The following ZSWIM5 variants were observed in gnomAD, a reference collection of about 807,000 sequenced individuals.
The protein encoded by ZSWIM5 is zinc finger SWIM domain-containing protein 5.
In ZSWIM5, 55 loss-of-function variants were observed where a neutral mutation model predicts 119.6. The ratio of observed to expected loss-of-function variants is 0.46; its 90% CI spans 0.37 to 0.58. The LOEUF (loss-of-function observed/expected upper bound fraction) is 0.58, where lower values mean the gene tolerates loss of function less well. Ranked by LOEUF, ZSWIM5 falls within the 20% of genes least tolerant of loss-of-function variation. The probability of loss-of-function intolerance (pLI) is 0.00; values close to 1 mark genes in which losing one functional copy is unlikely to be tolerated. For missense variants in ZSWIM5, 1,193 were observed against 1,512.8 expected, an observed-to-expected ratio of 0.79 and a Z score of 3.51; for synonymous variants, 537 against 606.9, an observed-to-expected ratio of 0.88 and a Z score of 1.69.
At chr1:45,090,235 T>G (rs1026324792) in intron 1 of ZSWIM5, among the ~76,000 whole-genome samples, 22 of 152,210 alleles carry the variant, frequency 1.4e-4, no homozygotes, top group Non-Finnish European at 3.1e-4. Flanking sequence ...TACACATTAC[T>G]GAAAACATTC....
At chr1:45,077,545 C>T (rs1482755843) in intron 2 of ZSWIM5, among the ~76,000 whole-genome samples, 1 of 152,318 alleles carries the variant, frequency 6.6e-6, no homozygotes, top group African/African-American at 2.4e-5. Flanking sequence ...GACCACAGGA[C>T]TGAGGCGAAA....
rs1267469275 is a variant in ZSWIM5, at chr1:45,129,415, C to T, written c.596-41178G>A. On this transcript the variant is annotated intron_variant, in intron 1 of 13. Coordinates refer to ENST00000359600, the MANE Select transcript of ZSWIM5 (RefSeq NM_020883.2). ...CTCGTGATCCGCCCGCCTCAGCCTC[C>T]CAAAGTGCTGGGATTACAGGCGTGA... Among the ~76,000 whole-genome samples, 8 of 152,138 alleles carry T rather than the reference C, an allele frequency of 5.3e-5. No homozygotes were observed. In the East Asian group the frequency reaches 1.5e-3, roughly 29 times the overall value.
At chr1:45,091,946 AC>A (rs1054013390) in intron 1 of ZSWIM5, among the ~76,000 whole-genome samples, 7 of 152,174 alleles carry the variant, frequency 4.6e-5, no homozygotes, top group Non-Finnish European at 8.8e-5. Context: ...AAAAAAAAAA[AC>A]AAACCACGCT....
chr1:45,110,409 T>C (rs1264230794), intron 1 of ZSWIM5, among the ~76,000 whole-genome samples: 1 of 152,102 alleles, frequency 6.6e-6, no homozygotes, highest in Non-Finnish European at 1.5e-5. Flanking sequence ...GATTCAAGAG[T>C]TCATCTATAG....
chr1:45,105,747 C>T (rs1351095258), intron 1 of ZSWIM5, among the ~76,000 whole-genome samples: 4 of 143,064 alleles, frequency 2.8e-5, no homozygotes, highest in African/African-American at 5.3e-5. Flanking sequence ...TCTGCCCCGC[C>T]GCCACCCCAT....
intron 1 of ZSWIM5, among the ~76,000 whole-genome samples, chr1:45,202,858 T>C (rs1010282562): frequency 2.6e-5 from 4 of 152,054 alleles, no homozygotes; most frequent in Non-Finnish European, 4.4e-5. Flanking sequence ...TTAAAACCGT[T>C]AGTAAATTAT....
intron 1 of ZSWIM5, among the ~76,000 whole-genome samples, chr1:45,115,177 T>G (rs1185762956): frequency 1.3e-5 from 2 of 152,010 alleles, no homozygotes; most frequent in Non-Finnish European, 2.9e-5. Flanking sequence ...CCAGACGGGG[T>G]GGCCGCCGGG....
intron 1 of ZSWIM5, among the ~76,000 whole-genome samples, chr1:45,114,399 T>C (rs1183573966): frequency 6.6e-6 from 1 of 152,176 alleles, no homozygotes; most frequent in Non-Finnish European, 1.5e-5. Flanking sequence ...GGACATTTTA[T>C]AATGATAAAA....
At chr1:45,124,865 A>G (rs1442902470) in intron 1 of ZSWIM5, among the ~76,000 whole-genome samples, 1 of 152,008 alleles carries the variant, frequency 6.6e-6, no homozygotes, top group Non-Finnish European at 1.5e-5. Flanking sequence ...GGGACATTAC[A>G]TAATGATAGA....
At position 45,184,361 on chromosome 1, in the gene ZSWIM5, C is replaced by A. The variant is rs575622581; in HGVS notation, c.595+21395G>T. Among the ~76,000 whole-genome samples the A allele has an allele frequency of 3.1e-3, 469 of 152,296 alleles. 2 individuals carry two copies. The highest frequency in any genetic ancestry group is 0.01 in the African/African-American group (423 of 41,554). ...CACAAGACAGGGATGCCCTCTCTCA[C>A]CACTCCTATTCAACACAGTGCTGGA... On this transcript the variant is annotated intron_variant, in intron 1 of 13. Transcript: ENST00000359600.
At chr1:45,196,894 G>A (rs1285597719) in intron 1 of ZSWIM5, among the ~76,000 whole-genome samples, 3 of 152,126 alleles carry the variant, frequency 2.0e-5, no homozygotes, top group Non-Finnish European at 4.4e-5. Context: ...ATCCTGAGTG[G>A]TTAACTGGGC....
chr1:45,122,535 G>A (rs1168718230), intron 1 of ZSWIM5, among the ~76,000 whole-genome samples: 1 of 152,028 alleles, frequency 6.6e-6, no homozygotes, highest in Non-Finnish European at 1.5e-5. Context: ...ACTCTGAAAG[G>A]TGGAGGGCAG....
At chr1:45,077,750 CG>C (rs577959505) in intron 2 of ZSWIM5, among the ~76,000 whole-genome samples, 6 of 152,052 alleles carry the variant, frequency 3.9e-5, no homozygotes, top group African/African-American at 1.5e-4. Context: ...AGGTACGCCC[CG>C]GGGGGGCCAG....
intron 1 of ZSWIM5, among the ~76,000 whole-genome samples, chr1:45,094,809 C>T (rs1044793016): frequency 2.0e-5 from 3 of 149,910 alleles, no homozygotes; most frequent in Non-Finnish European, 3.0e-5. Context: ...CCTGGGAGAT[C>T]GAGGTTACAG....
chr1:45,058,522 C>T, intron 4 of ZSWIM5, 87 bp downstream of exon 4: 2 of 1,536,058 alleles, frequency 1.3e-6, no homozygotes, highest in Middle Eastern at 2.0e-4. Flanking sequence ...AAGATCCATG[C>T]AACGACTGAT....
Position 45,072,443 on chromosome 1 carries a change from A to T in ZSWIM5, c.953-12196T>A, listed in dbSNP as rs768684055. On this transcript the variant is annotated intron_variant, in intron 2 of 13. Transcript: ENST00000359600. This position sits in a 1 kb window ranked among gnomAD's most constrained non-coding sequence, Gnocchi z 4.1. Reference sequence around the variant, plus strand: ...TAACTTGATGTGATCCCATTTATCCATTTTTGCTTTGGTTGCCTGTGCTTG... The same window carrying T: ...TAACTTGATGTGATCCCATTTATCCTTTTTTGCTTTGGTTGCCTGTGCTTG... Among the ~76,000 whole-genome samples the T allele has an allele frequency of 7.9e-5, 12 of 151,696 alleles. No homozygotes were observed. The highest frequency in any genetic ancestry group is 1.2e-4 in the Non-Finnish European group (8 of 67,992).
chr1:45,196,345 G>A (rs1408592358), intron 1 of ZSWIM5, among the ~76,000 whole-genome samples: 1 of 145,734 alleles, frequency 6.9e-6, no homozygotes, highest in Non-Finnish European at 1.5e-5. Flanking sequence ...ATCTCCCTAG[G>A]TGATTTTAAT....
At chr1:45,104,983 A>C (rs147568016) in intron 1 of ZSWIM5, among the ~76,000 whole-genome samples, 31 of 152,292 alleles carry the variant, frequency 2.0e-4, no homozygotes, top group African/African-American at 6.5e-4. Context: ...TGCCCCTACA[A>C]GGAAATTAGA....
chr1:45,165,002 A>G (rs1250217343), intron 1 of ZSWIM5, among the ~76,000 whole-genome samples: 1 of 152,114 alleles, frequency 6.6e-6, no homozygotes, highest in East Asian at 1.9e-4. Context: ...CCCCAAATCA[A>G]CAGAATATAC....
Sources: gnomAD v4.1 joint callset for allele counts (sites outside exome capture counted in the v4.1 genomes callset) on GRCh38, gnomAD v4.1.1 for gene constraint, Gnocchi (gnomAD v3.1) non-coding constraint, MANE v1.5 for transcripts, NCBI Gene and HGNC (gene_info 2026-07-23, HGNC 2026-07-21) for gene names.